The following AGTPBP1 variants were observed in gnomAD, a reference collection of about 807,000 sequenced individuals.
The protein encoded by AGTPBP1 is cytosolic carboxypeptidase 1.
A neutral mutation model predicts 143.9 loss-of-function variants in AGTPBP1; 70 were observed. The observed-to-expected ratio is 0.49, with a 90% CI of 0.40 to 0.59. The LOEUF (loss-of-function observed/expected upper bound fraction) is 0.59, where lower values mean the gene tolerates loss of function less well. Among genes scored for constraint, AGTPBP1 ranks in the 20% least tolerant of loss-of-function variants. The pLI, the probability that AGTPBP1 is intolerant of heterozygous loss-of-function variation, is 0.00. For missense variants in AGTPBP1, 1,229 were observed against 1,464.5 expected, an observed-to-expected ratio of 0.84 and a Z score of 2.62; for synonymous variants, 463 against 500.2, an observed-to-expected ratio of 0.93 and a Z score of 0.99.
intron 17 of AGTPBP1, among the ~76,000 whole-genome samples, chr9:85,610,641 C>A (rs1421515902): frequency 6.6e-6 from 1 of 151,430 alleles, no homozygotes; most frequent in Admixed American, 6.6e-5. Flanking sequence ...CGGCACGCCC[C>A]AATCAAAAAA....
chr9:85,688,096 T>TAAAAAAAAAAAAAAAAAAAAAAAAA (rs58523894), intron 3 of AGTPBP1, among the ~76,000 whole-genome samples: 1 of 34,710 alleles, frequency 2.9e-5, no homozygotes, highest in Non-Finnish European at 4.7e-5. Context: ...GTCTCAAAAT[T>TAAAAAAAAAAAAAAAAAAAAAAAAA]AAAAAAAAAA....
chr9:85,571,048 G>A (rs1827428427), intron 25 of AGTPBP1, among the ~76,000 whole-genome samples: 1 of 152,192 alleles, frequency 6.6e-6, no homozygotes, highest in Non-Finnish European at 1.5e-5. Context: ...TGTGAACTCA[G>A]AATTTTTAGG....
At chr9:85,782,188 G>A in the AGTPBP1 span, among the ~76,000 whole-genome samples, 1 of 152,294 alleles carries the variant, frequency 6.6e-6, no homozygotes, top group East Asian at 1.9e-4. Context: ...TAATATGGAG[G>A]AGCAATGAAG....
At chr9:85,613,440 C>T (rs1022898508) in intron 17 of AGTPBP1, among the ~76,000 whole-genome samples, 1 of 151,744 alleles carries the variant, frequency 6.6e-6, no homozygotes, top group African/African-American at 2.4e-5. Flanking sequence ...AAAACTAATC[C>T]AGAGAATAAG....
chr9:85,591,235 G>C (rs1828945680), intron 19 of AGTPBP1, among the ~76,000 whole-genome samples: 1 of 151,052 alleles, frequency 6.6e-6, no homozygotes, highest in Admixed American at 6.6e-5. Flanking sequence ...ATCACGGTAA[G>C]AATTTTAGAC....
intron 13 of AGTPBP1, among the ~76,000 whole-genome samples, chr9:85,641,410 G>A (rs1158407350): frequency 2.0e-5 from 3 of 152,166 alleles, no homozygotes; most frequent in Non-Finnish European, 2.9e-5. Context: ...TTGAATGAAA[G>A]AGAATCAACC....
intron 1 of AGTPBP1, among the ~76,000 whole-genome samples, chr9:85,720,798 T>C (rs1296776572): frequency 6.6e-6 from 1 of 152,198 alleles, no homozygotes; most frequent in Admixed American, 6.5e-5. Flanking sequence ...CTTGTGGGCA[T>C]TTAGTGTTGT....
rs372635403 is a variant in AGTPBP1 at position 85,741,374 on chromosome 9, G to C, written c.-34+401C>G. 3 of 985,188 alleles carry C rather than the reference G, an allele frequency of 3.0e-6. No homozygotes were observed. The African/African-American group carries it at 5.2e-5, about 17-fold the overall frequency. The allele number at this position is 985,188 out of a possible 1,614,324, so 61.0% of individuals were successfully genotyped here. A position where few individuals can be genotyped will look rare whatever the true frequency, so the allele number is the denominator to read the frequency against. ...GGCGGGGGAGAGCGGGGCTGGGCGC[G>C]CCCGCCCCCGGCCCTGCAGCCCCTC... is the stretch of plus-strand genomic sequence containing the variant. On this transcript the variant is annotated intron_variant, in intron 1 of 25. Coordinates refer to ENST00000357081, the MANE Select transcript of AGTPBP1 (RefSeq NM_001330701.2).
chr9:85,708,481 A>G (rs1837159459), intron 2 of AGTPBP1, among the ~76,000 whole-genome samples: 1 of 152,196 alleles, frequency 6.6e-6, no homozygotes, highest in African/African-American at 2.4e-5. Flanking sequence ...TAAGAAATAG[A>G]AAAACCTGAA....
At chr9:85,778,022 C>T in the AGTPBP1 span, among the ~76,000 whole-genome samples, 6 of 152,216 alleles carry the variant, frequency 3.9e-5, no homozygotes, top group African/African-American at 1.4e-4. Context: ...CCCCTGTCAA[C>T]TGATCATAGG....
chr9:85,744,514 C>T (rs1192536724), upstream of AGTPBP1, among the ~76,000 whole-genome samples: 3 of 152,152 alleles, frequency 2.0e-5, no homozygotes, highest in Admixed American at 6.5e-5. Context: ...ATCAGGTACA[C>T]GGACACTTGA....
rs1323802789 is a variant in AGTPBP1, at chr9:85,669,398, T to A, written c.662+87A>T. On this transcript the variant is annotated intron_variant, in intron 8 of 25. Coordinates refer to ENST00000357081, the MANE Select transcript of AGTPBP1 (RefSeq NM_001330701.2). ...TGAAATAACCCTGGAGACAATTTAA[T>A]TCAACCTGCTCATTGTACATATCAA... The A allele has an allele frequency of 6.3e-6, 4 of 635,210 alleles. No homozygotes were observed. The African/African-American group carries it at 7.5e-5, about 12-fold the overall frequency. 39.3% of individuals were successfully genotyped at this position (635,210 alleles called of 1,614,324 possible).
At chr9:85,738,404 T>C (rs1823967257) in intron 1 of AGTPBP1, among the ~76,000 whole-genome samples, 1 of 152,112 alleles carries the variant, frequency 6.6e-6, no homozygotes. Context: ...TCACACTATA[T>C]AATATCAATA....
intron 17 of AGTPBP1, among the ~76,000 whole-genome samples, chr9:85,604,664 G>A (rs933403904): frequency 6.6e-6 from 1 of 152,120 alleles, no homozygotes; most frequent in Non-Finnish European, 1.5e-5. Flanking sequence ...TGGAGAAACA[G>A]AAATATGTGA....
chr9:85,623,925 T>C (rs1587761403), intron 14 of AGTPBP1, among the ~76,000 whole-genome samples: 1 of 152,156 alleles, frequency 6.6e-6, no homozygotes, highest in South Asian at 2.1e-4. Context: ...TCAGGGACTA[T>C]AACCTCAAAC....
At chr9:85,753,228 G>C in the AGTPBP1 span, 17 of 1,465,212 alleles carry the variant, frequency 1.2e-5, no homozygotes, top group Non-Finnish European at 1.5e-5. Flanking sequence ...AAAAAAGAAA[G>C]AAAAAAAAAA....
intron 1 of AGTPBP1, chr9:85,741,476 A>C (rs922327123): frequency 3.0e-6 from 3 of 984,996 alleles, no homozygotes; most frequent in Non-Finnish European, 3.6e-6. Context: ...CCGCCCAGAG[A>C]CCGCGCCCGA....
At position 85,618,969 on chromosome 9, in the gene AGTPBP1, G is replaced by A. The variant is rs1273181968; in HGVS notation, c.2335+14C>T. The stretch of plus-strand genomic sequence containing the variant: ...CCTGCATGCCATTTCAATTGGGAAA[G>A]AAAACTGTCTTACCATAATTAAACT... On this transcript the variant is annotated intron_variant, in intron 17 of 25. Transcript: ENST00000357081. The A allele has an allele frequency of 6.3e-7, 1 of 1,598,212 alleles. No homozygotes were observed. The highest frequency in any genetic ancestry group is 2.2e-5 in the East Asian group (1 of 44,546).
chr9:85,716,725 C>T (rs1285177196), intron 1 of AGTPBP1, among the ~76,000 whole-genome samples: 1 of 152,198 alleles, frequency 6.6e-6, no homozygotes, highest in South Asian at 2.1e-4. Context: ...CTCAACACAA[C>T]ATGCTTAGTG....
Sources: allele counts gnomAD v4.1 joint callset (sites outside exome capture counted in the v4.1 genomes callset), GRCh38; gene constraint gnomAD v4.1.1; transcripts MANE v1.5; gene names NCBI Gene and HGNC (gene_info 2026-07-23, HGNC 2026-07-21).